The following TCF20 variants were observed in gnomAD, a reference collection of about 807,000 sequenced individuals.
TCF20 encodes SPRE-binding protein.
Under a neutral mutation model 148.6 loss-of-function variants are expected in TCF20, and 3 were observed. The observed-to-expected ratio is 0.02, with a 90% CI of 0.01 to 0.05. The LOEUF is 0.05. TCF20 is among the 10% of genes least tolerant of loss of function. The pLI is 1.00. For missense variants in TCF20, 2,350 were observed against 2,429.3 expected, an observed-to-expected ratio of 0.97 and a Z score of 0.69; for synonymous variants, 1,049 against 909.5, an observed-to-expected ratio of 1.15 and a Z score of -2.76.
intron 2 of TCF20, among the ~76,000 whole-genome samples, chr22:42,182,364 GC>G (rs1396861938): frequency 6.6e-6 from 1 of 152,216 alleles, no homozygotes; most frequent in East Asian, 1.9e-4. Context: ...GGTCAAAAGT[GC>G]TAAGTAAATG....
At position 42,216,045 on chromosome 22, in the gene TCF20, G is replaced by A. The variant is rs189931265; in HGVS notation, c.-36-704C>T. 3.2e-3 allele frequency among the ~76,000 whole-genome samples: 479 copies of A among 150,378 alleles called. 4 individuals are homozygous for A. The highest frequency in any genetic ancestry group is 0.011 in the African/African-American group (465 of 40,574). On this transcript the variant is annotated intron_variant, in intron 1 of 5. Transcript: ENST00000677622. ...TTTTCAATAAGCCTCCCAGTTATGCGGGGGAGGGGGTGTGGGGTAAGAAAA... is the reference window on the plus strand; with the variant it reads ...TTTTCAATAAGCCTCCCAGTTATGCAGGGGAGGGGGTGTGGGGTAAGAAAA...
chr22:42,247,557 C>A (rs189673805), intron 1 of TCF20, among the ~76,000 whole-genome samples: 84 of 152,076 alleles, frequency 5.5e-4, no homozygotes, highest in Non-Finnish European at 1.0e-3. Flanking sequence ...CTGGGGAAAC[C>A]AGGAGATGTG....
intron 1 of TCF20, among the ~76,000 whole-genome samples, chr22:42,246,232 G>T (rs1053960731): frequency 4.6e-5 from 7 of 152,144 alleles, no homozygotes; most frequent in African/African-American, 1.7e-4. Flanking sequence ...CAGCCTCCGT[G>T]TAGCTGGCGT....
chr22:42,243,292 C>CAAAAA (rs3045578), intron 1 of TCF20, among the ~76,000 whole-genome samples: 4,725 of 39,384 alleles, frequency 0.12, 1,545 homozygotes, highest in Non-Finnish European at 0.18. Flanking sequence ...GACACTGTCT[C>CAAAAA]AAAAAAAAAA....
At chr22:42,333,538 T>G (rs1330542235) in intron 1 of TCF20, among the ~76,000 whole-genome samples, 1 of 152,224 alleles carries the variant, frequency 6.6e-6, no homozygotes, top group Non-Finnish European at 1.5e-5. Context: ...TTGGCCCTCT[T>G]TGAGCCTCAG....
At chr22:42,316,483 G>A (rs935647017) in intron 1 of TCF20, among the ~76,000 whole-genome samples, 1 of 152,178 alleles carries the variant, frequency 6.6e-6, no homozygotes, top group Admixed American at 6.5e-5. Context: ...TCAGAGCCTG[G>A]AGGGTCAGAG....
chr22:42,257,298 A>AT (rs1465864843), intron 1 of TCF20, among the ~76,000 whole-genome samples: 1 of 151,972 alleles, frequency 6.6e-6, no homozygotes, highest in Non-Finnish European at 1.5e-5. Context: ...TTTTCTCTGG[A>AT]TTTTTTCCCC....
intron 1 of TCF20, among the ~76,000 whole-genome samples, chr22:42,241,977 C>T (rs1924442654): frequency 1.3e-5 from 2 of 151,896 alleles, no homozygotes; most frequent in Admixed American, 1.3e-4. Flanking sequence ...CTTAGGCGGG[C>T]AGATCAGGAA....
At position 42,214,775 on chromosome 22, in the gene TCF20, C is replaced by G; in HGVS notation, c.531G>C (p.Gln177His). The G allele has an allele frequency of 6.2e-7, 1 of 1,614,070 alleles. No individual in the cohort carries two copies. Among genetic ancestry groups the G allele is most frequent in the Non-Finnish European group, 8.5e-7 (1 of 1,180,018 alleles). Residue 177 changes from glutamine (Q) to histidine (H), a missense_variant, in exon 2 of 6, where the codon CAG becomes CAC. Physicochemically the swap from Gln to His is conservative, Grantham distance 24. Transcript: ENST00000677622. Reference protein sequence around the residue: ...YQQQASSQQQQQQVQQLRQQL... With the variant: ...YQQQASSQQQHQQVQQLRQQL... ...GTTGTCTCAACTGCTGGACTTGCTG[C>G]TGCTGCTGCTGGCTGGAAGCCTGCT... is the stretch of plus-strand genomic sequence containing the variant.
At chr22:42,161,444 GCT>G in intron 5 of TCF20, 86 bp from the exon 6 acceptor site, 1 of 1,587,436 alleles carries the variant, frequency 6.3e-7, no homozygotes, top group East Asian at 2.2e-5. Flanking sequence ...ACCCCTGGGA[GCT>G]TTCAGCAGGG....
At chr22:42,296,889 A>T (rs546408784) in intron 1 of TCF20, among the ~76,000 whole-genome samples, 1 of 152,340 alleles carries the variant, frequency 6.6e-6, no homozygotes, top group East Asian at 1.9e-4. Context: ...AAGTCAAATA[A>T]CAGTAAAAAC....
At chr22:42,220,709 A>T (rs1464446012) in intron 1 of TCF20, among the ~76,000 whole-genome samples, 1 of 152,126 alleles carries the variant, frequency 6.6e-6, no homozygotes, top group Non-Finnish European at 1.5e-5. Context: ...TTGCCTTCTG[A>T]CCCAGTTTGG....
intron 1 of TCF20, among the ~76,000 whole-genome samples, chr22:42,238,922 C>T (rs575260282): frequency 5.4e-5 from 8 of 148,984 alleles, no homozygotes; most frequent in African/African-American, 1.7e-4. Context: ...TTGAGACCAA[C>T]CTGGCTAACA....
chr22:42,245,359 A>G (rs1209391683), intron 1 of TCF20, among the ~76,000 whole-genome samples: 1 of 152,050 alleles, frequency 6.6e-6, no homozygotes, highest in Non-Finnish European at 1.5e-5. Context: ...GGCGTCAACT[A>G]CTGTGTCCAG....
chr22:42,188,606 A>C (rs17476888), intron 2 of TCF20, among the ~76,000 whole-genome samples: 4,848 of 152,314 alleles, frequency 0.032, 105 homozygotes, highest in Non-Finnish European at 0.05. Context: ...GAACTTGATC[A>C]GGCTGGTCTT....
At chr22:42,259,127 G>C (rs1217773526) in intron 1 of TCF20, among the ~76,000 whole-genome samples, 1 of 152,108 alleles carries the variant, frequency 6.6e-6, no homozygotes, top group Non-Finnish European at 1.5e-5. Context: ...ATGCTCTCTG[G>C]AGTTTCCTCC....
At chr22:42,164,371 C>T (rs757350786) in intron 5 of TCF20, among the ~76,000 whole-genome samples, 3 of 152,048 alleles carry the variant, frequency 2.0e-5, no homozygotes, top group Non-Finnish European at 2.9e-5. Flanking sequence ...CCCACCACCA[C>T]GCCCGGCTAA....
chr22:42,264,863 T>C (rs1356167130), intron 1 of TCF20, among the ~76,000 whole-genome samples: 1 of 152,232 alleles, frequency 6.6e-6, no homozygotes, highest in African/African-American at 2.4e-5. Flanking sequence ...AGCACACACA[T>C]GCACGCGGAC....
Position 42,340,883 on chromosome 22 carries a change from G to GC in TCF20, c.-37+2595dup, listed in dbSNP as rs200722799. ...GGGGAGGGGAAAGGAGAGGAGGGAA[G>GC]CCCCCCCCCCCACCCCAACCAGCCC... is the stretch of plus-strand genomic sequence containing the variant. On this transcript the variant is annotated intron_variant, in intron 1 of 1. Transcript: ENST00000515426. Among the ~76,000 whole-genome samples the GC allele has an allele frequency of 3.8e-3, 507 of 134,188 alleles. 3 individuals are homozygous for GC. The highest frequency in any genetic ancestry group is 9.5e-3 in the South Asian group (38 of 3,988). 88.0% of individuals were successfully genotyped at this position (134,188 alleles called of 152,430 possible).
Sources: gnomAD v4.1 joint callset for allele counts (sites outside exome capture counted in the v4.1 genomes callset) on GRCh38, gnomAD v4.1.1 for gene constraint, MANE v1.5 for transcripts, NCBI Gene and HGNC (gene_info 2026-07-23, HGNC 2026-07-21) for gene names.